The following CPNE8 variants were observed in gnomAD, a reference collection of about 807,000 sequenced individuals.
CPNE8 encodes the protein copine-8.
In CPNE8, 45 loss-of-function variants were observed where a neutral mutation model predicts 81.5. The observed-to-expected ratio is 0.55, with a 90% confidence interval of 0.44 to 0.71. The LOEUF (loss-of-function observed/expected upper bound fraction) is 0.71. Ranked by LOEUF, CPNE8 falls within the 30% of genes least tolerant of loss-of-function variation. The pLI, the probability that CPNE8 is intolerant of heterozygous loss-of-function variation, is 0.00. For missense variants in CPNE8, 594 were observed against 672.1 expected (o/e 0.88, Z 1.28); for synonymous variants, 252 against 226.3 (o/e 1.11, Z -1.02).
chr12:38,653,443 A>G lies in CPNE8; in HGVS notation c.*439T>C, dbSNP rs1167286200. The G allele has an allele frequency of 6.5e-6, 1 of 153,088 alleles. No homozygotes were observed. The highest frequency in any genetic ancestry group is 2.4e-5 in the African/African-American group (1 of 41,486). The allele number at this position is 153,088 out of a possible 1,614,324, so 9.5% of individuals were successfully genotyped here. ...TAGAAGACAAAGGATTCAGTATTTA[A>G]AACTCTTATTTTTAAGAACAGTTAT... On this transcript the variant is annotated 3_prime_UTR_variant, in exon 20 of 20. Transcript: ENST00000331366.
intron 19 of CPNE8, among the ~76,000 whole-genome samples, chr12:38,668,067 G>A (rs981793325): frequency 6.6e-6 from 1 of 152,138 alleles, no homozygotes; most frequent in African/African-American, 2.4e-5. Flanking sequence ...CCAAAGTGCT[G>A]GGATTACAGG....
chr12:38,666,643 G>C (rs1939061754), intron 19 of CPNE8, among the ~76,000 whole-genome samples: 1 of 152,066 alleles, frequency 6.6e-6, no homozygotes, highest in Non-Finnish European at 1.5e-5. Context: ...ATGTATGATG[G>C]GAAGTTAGTT....
intron 6 of CPNE8, among the ~76,000 whole-genome samples, chr12:38,807,049 G>A (rs1237972928): frequency 6.6e-6 from 1 of 152,108 alleles, no homozygotes; most frequent in African/African-American, 2.4e-5. Context: ...TACAAGGGAT[G>A]TGAAGGACCT....
intron 19 of CPNE8, among the ~76,000 whole-genome samples, chr12:38,657,142 AC>A (rs1292599152): frequency 2.0e-5 from 3 of 152,080 alleles, no homozygotes; most frequent in Non-Finnish European, 4.4e-5. Context: ...GCCATGACAG[AC>A]TGTACCTGGA....
intron 10 of CPNE8, among the ~76,000 whole-genome samples, chr12:38,743,367 A>G (rs949323931): frequency 5.9e-5 from 9 of 152,102 alleles, no homozygotes; most frequent in Non-Finnish European, 1.2e-4. Context: ...GTATTTCTTT[A>G]TATTAAAATG....
rs1173290034 is a variant in CPNE8, at chr12:38,902,429, GAA to G, written c.98+3006_98+3007del. Among the ~76,000 whole-genome samples the G allele has an allele frequency of 3.2e-4, 44 of 137,084 alleles. 6 individuals carry two copies. Among genetic ancestry groups the G allele is most frequent in the African/African-American group, 1.5e-3 (43 of 28,086 alleles). 89.9% of individuals were successfully genotyped at this position (137,084 alleles called of 152,430 possible). A position where few individuals can be genotyped will look rare whatever the true frequency, so the allele number is the denominator to read the frequency against. On this transcript the variant is annotated intron_variant, in intron 1 of 19. Transcript: ENST00000331366. ...AAAGAAAGAAAGAAAAAGAAAGAAAGAAAGAAAGGAGAGAGAGAAAGAAAGAT... is the reference window on the plus strand; with the variant it reads ...AAAGAAAGAAAGAAAAAGAAAGAAAGAGAAAGGAGAGAGAGAAAGAAAGAT...
chr12:38,878,795 T>G (rs1365396815), intron 1 of CPNE8, among the ~76,000 whole-genome samples: 1 of 152,132 alleles, frequency 6.6e-6, no homozygotes, highest in Non-Finnish European at 1.5e-5. Flanking sequence ...TTCAAGCAAA[T>G]AATCTATGGC....
rs1224987168 is a variant in CPNE8, at chr12:38,829,428, A to G, written c.358T>C (p.Leu120=). 1.2e-6 allele frequency: 2 copies of G among 1,613,274 alleles called. No homozygotes were observed. Among genetic ancestry groups the G allele is most frequent in the Non-Finnish European group, 8.5e-7 (1 of 1,179,276 alleles). ...CCCTGTGAACCAACGATCTCTCCCA[A>G]TGTACAAAACACTTGTCCCAGAAAG... ...HDFLGQVFCT[L]GEIVGSQGSR... The change falls in exon 6 of 20, where the codon TTG becomes CTG. Residue 120 remains leucine (L), a synonymous_variant. Coordinates refer to ENST00000331366, the MANE Select transcript of CPNE8 (RefSeq NM_153634.3).
chr12:38,800,669 C>T (rs1352503393), intron 6 of CPNE8, among the ~76,000 whole-genome samples: 2 of 14,094 alleles, frequency 1.4e-4, no homozygotes, highest in East Asian at 1.2e-3. Context: ...ATGATTTTGA[C>T]GAGCTGAGAG....
At chr12:38,881,766 C>T (rs1022788165) in intron 1 of CPNE8, among the ~76,000 whole-genome samples, 1 of 152,104 alleles carries the variant, frequency 6.6e-6, no homozygotes, top group Non-Finnish European at 1.5e-5. Context: ...CTCTGGTTAG[C>T]CTGAGATAAA....
intron 1 of CPNE8, among the ~76,000 whole-genome samples, chr12:38,901,625 C>T (rs1944462834): frequency 6.6e-6 from 1 of 152,148 alleles, no homozygotes; most frequent in African/African-American, 2.4e-5. Context: ...AAGAGCTAGA[C>T]AATGGGTAGA....
At chr12:38,732,707 C>T (rs1432930961) in intron 10 of CPNE8, among the ~76,000 whole-genome samples, 1 of 151,962 alleles carries the variant, frequency 6.6e-6, no homozygotes, top group African/African-American at 2.4e-5. Context: ...AGATTTCTCA[C>T]CCTATATTAC....
intron 5 of CPNE8, among the ~76,000 whole-genome samples, chr12:38,839,569 A>G (rs1404789186): frequency 6.6e-6 from 1 of 152,096 alleles, no homozygotes; most frequent in African/African-American, 2.4e-5. Context: ...ACACTCAGCT[A>G]CTTCCCATTC....
intron 10 of CPNE8, among the ~76,000 whole-genome samples, chr12:38,742,766 C>T (rs975836035): frequency 6.6e-6 from 1 of 151,562 alleles, no homozygotes; most frequent in Non-Finnish European, 1.5e-5. Flanking sequence ...CTGTTGTTTG[C>T]TATGTTTATT....
intron 13 of CPNE8, among the ~76,000 whole-genome samples, chr12:38,706,906 G>C (rs1940120690): frequency 6.6e-6 from 1 of 152,208 alleles, no homozygotes; most frequent in Admixed American, 6.5e-5. Context: ...GCAGATACAA[G>C]ACTTCAGTAG....
chr12:38,666,271 T>A (rs1293251766), intron 19 of CPNE8, among the ~76,000 whole-genome samples: 1 of 152,170 alleles, frequency 6.6e-6, no homozygotes, highest in African/African-American at 2.4e-5. Flanking sequence ...TTTAGGACAG[T>A]GTGTTATAAT....
At chr12:38,852,600 CT>C (rs1392830491) in intron 3 of CPNE8, among the ~76,000 whole-genome samples, 1 of 151,950 alleles carries the variant, frequency 6.6e-6, no homozygotes, top group Non-Finnish European at 1.5e-5. Context: ...GAAACTCCAT[CT>C]CAAAAAATAA....
intron 6 of CPNE8, among the ~76,000 whole-genome samples, chr12:38,799,665 G>A (rs1196851076): frequency 3.3e-5 from 5 of 151,956 alleles, no homozygotes; most frequent in East Asian, 3.9e-4. Context: ...CAAGATGGCC[G>A]AATAGGAACA....
intron 1 of CPNE8, among the ~76,000 whole-genome samples, chr12:38,886,324 T>A (rs900278624): frequency 6.6e-6 from 1 of 152,144 alleles, no homozygotes; most frequent in African/African-American, 2.4e-5. Flanking sequence ...ATCCTCCTCA[T>A]AGAGTTGTTT....
Sources: gnomAD v4.1 joint callset for allele counts (sites outside exome capture counted in the v4.1 genomes callset) on GRCh38, gnomAD v4.1.1 for gene constraint, MANE v1.5 for transcripts, NCBI Gene and HGNC (gene_info 2026-07-23, HGNC 2026-07-21) for gene names.